Variants in ARID5B observed in about 807,000 individuals in gnomAD.
ARID5B encodes the protein AT-rich interaction domain 5B.
Under a neutral mutation model 97.2 loss-of-function variants are expected in ARID5B, and 13 were observed. That is an observed-to-expected ratio of 0.13 (90% CI 0.09 to 0.21). The LOEUF (loss-of-function observed/expected upper bound fraction) is 0.21. Ranked by LOEUF, ARID5B falls within the 10% of genes least tolerant of loss-of-function variation. The pLI is 1.00. For synonymous variants in ARID5B, 556 were observed against 570.3 expected (o/e 0.97, Z 0.36); for missense variants, 1,210 against 1,465.3 (o/e 0.83, Z 2.84).
intron 3 of ARID5B, among the ~76,000 whole-genome samples, chr10:61,975,392 A>G (rs1838684968): frequency 6.6e-6 from 1 of 152,170 alleles, no homozygotes; most frequent in Non-Finnish European, 1.5e-5. Flanking sequence ...TAACAGCATA[A>G]ATAGAAAGTG....
At chr10:61,931,630 C>T (rs1308151241) in intron 2 of ARID5B, among the ~76,000 whole-genome samples, 3 of 152,138 alleles carry the variant, frequency 2.0e-5, no homozygotes, top group African/African-American at 7.2e-5. Context: ...AAAGAACTCT[C>T]AAAACTCAAG....
chr10:62,088,042 T>C (rs1427265460), intron 9 of ARID5B, among the ~76,000 whole-genome samples: 1 of 152,082 alleles, frequency 6.6e-6, no homozygotes. Context: ...TATTTTTGTA[T>C]CTTTAGTAGA....
intron 8 of ARID5B, among the ~76,000 whole-genome samples, chr10:62,082,860 A>G (rs1457514382): frequency 3.3e-5 from 5 of 152,206 alleles, no homozygotes; most frequent in Admixed American, 3.3e-4. Flanking sequence ...GGAAATCACT[A>G]TATGAAGCAG....
chr10:61,977,260 A>G (rs1304495848), intron 3 of ARID5B, among the ~76,000 whole-genome samples: 4 of 152,150 alleles, frequency 2.6e-5, no homozygotes, highest in Non-Finnish European at 4.4e-5. Context: ...TCTATCATTG[A>G]TGGACATTTG....
At chr10:62,059,095 C>T in intron 6 of ARID5B, 148 bp from the exon 7 acceptor site, 1 of 566,974 alleles carries the variant, frequency 1.8e-6, no homozygotes, top group South Asian at 2.7e-5. Context: ...GCCCTTTGGG[C>T]AAATTGTTTC....
rs1564651165 is a variant in ARID5B at position 62,092,577 on chromosome 10, G to A, written c.3114G>A (p.Lys1038=). ...ARAVSPLDPS[K]EVSGKEKASE... is the part of the protein sequence containing the mutation. The stretch of plus-strand genomic sequence containing the variant: ...CAGTGTCTCCCTTAGACCCATCCAA[G>A]GAGGTCTCTGGGAAGGAGAAGGCCT... Residue 1038 remains lysine (K), a synonymous_variant, in exon 10 of 10, where the codon AAG becomes AAA. Transcript: ENST00000279873. 1.9e-6 allele frequency: 3 copies of A among 1,614,180 alleles called. No individual in the cohort carries two copies. The highest frequency in any genetic ancestry group is 2.5e-6 in the Non-Finnish European group (3 of 1,180,026).
intron 9 of ARID5B, among the ~76,000 whole-genome samples, chr10:62,087,255 G>GC (rs11448312): frequency 0.81 from 109,280 of 134,612 alleles, 44,465 homozygotes; most frequent in Middle Eastern, 0.94. Flanking sequence ...GCCGAGATCA[G>GC]GCCACTGCAC....
chr10:61,969,120 A>T (rs925106160), intron 3 of ARID5B, among the ~76,000 whole-genome samples: 18 of 152,188 alleles, frequency 1.2e-4, no homozygotes, highest in Admixed American at 7.2e-4. Context: ...CTGTCAGGAT[A>T]TTCTGAAAAG....
In ARID5B at chr10:62,091,258, C is replaced by T; in HGVS notation, c.1795C>T (p.Pro599Ser). Residue 599 changes from proline (P) to serine (S), a missense_variant, in exon 10 of 10, where the codon CCC becomes TCC. This residue lies in a region of ARID5B where 800 missense variants were observed against 839.1 expected (regional missense o/e 0.95). Transcript: ENST00000279873. ...CCAAGAAGCATCCTTCCCCAGCTTC[C>T]CCACCACACAGCCACCGCTGGCAAA... ...EPQEASFPSF[P>S]TTQPPLANQN... The T allele has an allele frequency of 6.2e-7, 1 of 1,614,126 alleles. No individual in the cohort carries two copies. The highest frequency in any genetic ancestry group is 8.5e-7 in the Non-Finnish European group (1 of 1,180,010).
At chr10:62,033,047 G>A (rs1839517423) in intron 4 of ARID5B, among the ~76,000 whole-genome samples, 1 of 152,116 alleles carries the variant, frequency 6.6e-6, no homozygotes, top group Non-Finnish European at 1.5e-5. Flanking sequence ...CGACCAACAG[G>A]TTGCCATTCT....
chr10:62,024,346 G>A (rs1839393583), intron 4 of ARID5B, among the ~76,000 whole-genome samples: 1 of 152,208 alleles, frequency 6.6e-6, no homozygotes, highest in Admixed American at 6.5e-5. Context: ...AACACCTGTT[G>A]TCTTTGTAGC....
At chr10:62,041,446 C>T (rs560121381) in intron 4 of ARID5B, among the ~76,000 whole-genome samples, 30 of 152,282 alleles carry the variant, frequency 2.0e-4, no homozygotes, top group Admixed American at 9.8e-4. Flanking sequence ...AAAGACTATC[C>T]TACTATTCAC....
chr10:61,944,125 A>C (rs565422665), intron 3 of ARID5B, among the ~76,000 whole-genome samples: 3 of 152,304 alleles, frequency 2.0e-5, no homozygotes, highest in Non-Finnish European at 4.4e-5. Context: ...AATGCAAATT[A>C]TGACTTTACT....
intron 4 of ARID5B, among the ~76,000 whole-genome samples, chr10:62,002,496 A>C (rs991967355): frequency 3.4e-4 from 52 of 152,334 alleles, no homozygotes; most frequent in Non-Finnish European, 5.1e-4. Flanking sequence ...TACTTCTTAC[A>C]GACTTTCATG....
chr10:62,028,819 T>C (rs1433439655), intron 4 of ARID5B, among the ~76,000 whole-genome samples: 2 of 151,860 alleles, frequency 1.3e-5, no homozygotes, highest in Non-Finnish European at 2.9e-5. Flanking sequence ...AAATTAGCCG[T>C]GCATGGTGGC....
intron 9 of ARID5B, among the ~76,000 whole-genome samples, chr10:62,089,600 T>A (rs1335049320): frequency 6.7e-6 from 1 of 148,718 alleles, no homozygotes; most frequent in Non-Finnish European, 1.5e-5. Flanking sequence ...TGATCTCGGC[T>A]CACCGCATCC....
rs187504125 is a variant in ARID5B, at chr10:61,936,067, A to G, written c.277-4116A>G. Among the ~76,000 whole-genome samples the G allele has an allele frequency of 2.6e-3, 390 of 152,344 alleles. 3 individuals carry two copies. Among genetic ancestry groups the G allele is most frequent in the Non-Finnish European group, 4.3e-3 (295 of 68,030 alleles). ...TGTGGACCATCTGAAATGGTCTCAGAGATTCCCGAGGGTTTCTGAACCCAC... is the reference window on the plus strand; with the variant it reads ...TGTGGACCATCTGAAATGGTCTCAGGGATTCCCGAGGGTTTCTGAACCCAC... On this transcript the variant is annotated intron_variant, in intron 2 of 9. Coordinates refer to ENST00000279873, the MANE Select transcript of ARID5B (RefSeq NM_032199.3).
chr10:62,050,825 G>T (rs1438584544), intron 4 of ARID5B, 63 bp from the exon 5 acceptor site: 8 of 1,376,608 alleles, frequency 5.8e-6, no homozygotes, highest in Non-Finnish European at 8.2e-6. Flanking sequence ...GAGATTCTGG[G>T]TCTTTAATAA....
intron 7 of ARID5B, 29 bp from the exon 8 acceptor site, chr10:62,069,671 G>T (rs761712239): frequency 6.3e-7 from 1 of 1,586,702 alleles, no homozygotes; most frequent in South Asian, 1.1e-5. Context: ...TATGATGTAA[G>T]ATTGAATTTC....
Sources: allele counts gnomAD v4.1 joint callset (sites outside exome capture counted in the v4.1 genomes callset), GRCh38; gene constraint gnomAD v4.1.1; regional missense constraint gnomAD v4.1.1; transcripts MANE v1.5; gene names NCBI Gene and HGNC (gene_info 2026-07-23, HGNC 2026-07-21).